Variants in EYA2 observed in about 807,000 individuals in gnomAD.
The protein encoded by EYA2 is EYA transcriptional coactivator and phosphatase 2.
Under a neutral mutation model 69.2 loss-of-function variants are expected in EYA2, and 31 were observed. That is an observed-to-expected ratio of 0.45 (90% confidence interval 0.34 to 0.60). The LOEUF is 0.60. Ranked by LOEUF, EYA2 falls within the 20% of genes least tolerant of loss-of-function variation. EYA2 has a pLI of 0.02. For synonymous variants in EYA2, 257 were observed against 279.4 expected (o/e 0.92, Z 0.80); for missense variants, 622 against 701.2 (o/e 0.89, Z 1.28).
chr20:46,950,209 A>G (rs1978712600), intron 1 of EYA2, among the ~76,000 whole-genome samples: 1 of 152,224 alleles, frequency 6.6e-6, no homozygotes, highest in Admixed American at 6.5e-5. Context: ...ATAAAAAATA[A>G]TCACTTTCCT....
chr20:47,068,602 G>A (rs1003201811), intron 5 of EYA2, among the ~76,000 whole-genome samples: 7 of 152,124 alleles, frequency 4.6e-5, no homozygotes, highest in African/African-American at 1.4e-4. Context: ...CTGTGGGAAG[G>A]GCCCTCAGAC....
chr20:47,103,926 A>G (rs1284763961), intron 9 of EYA2, among the ~76,000 whole-genome samples: 2 of 152,198 alleles, frequency 1.3e-5, no homozygotes, highest in South Asian at 2.1e-4. Flanking sequence ...TTGCATGTGC[A>G]TATGTTTTTA....
Position 47,089,173 on chromosome 20 carries a change from A to G in EYA2, c.662-66A>G, listed in dbSNP as rs1052115331. 8 of 1,579,960 alleles carry G rather than the reference A, an allele frequency of 5.1e-6. No individual in the cohort carries two copies. The African/African-American group carries it at 1.1e-4, about 21-fold the overall frequency. On this transcript the variant is annotated intron_variant, in intron 7 of 15. Coordinates refer to ENST00000327619, the MANE Select transcript of EYA2 (RefSeq NM_005244.5). Reference sequence around the variant, plus strand: ...TTTGGAGCTAGACGGTGCTGTTGGGATATTTCCCAGGAGGAGACACCCAGC... The same window carrying G: ...TTTGGAGCTAGACGGTGCTGTTGGGGTATTTCCCAGGAGGAGACACCCAGC...
chr20:47,057,297 C>A (rs2030676720), intron 5 of EYA2, among the ~76,000 whole-genome samples: 1 of 152,114 alleles, frequency 6.6e-6, no homozygotes, highest in African/African-American at 2.4e-5. Flanking sequence ...CAGGGCTTGC[C>A]AGCTGCAGCC....
At chr20:47,105,896 A>G (rs1191214282) in intron 9 of EYA2, among the ~76,000 whole-genome samples, 2 of 152,170 alleles carry the variant, frequency 1.3e-5, no homozygotes, top group African/African-American at 4.8e-5. Context: ...AGAAAATCAA[A>G]ATGTAAACAA....
At chr20:47,026,720 A>T (rs966838670) in intron 5 of EYA2, among the ~76,000 whole-genome samples, 2 of 152,216 alleles carry the variant, frequency 1.3e-5, no homozygotes, top group African/African-American at 4.8e-5. Context: ...ATATAGGGTT[A>T]TAGGGAGTGG....
chr20:46,995,454 G>T (rs1286731014), intron 2 of EYA2, among the ~76,000 whole-genome samples: 1 of 152,124 alleles, frequency 6.6e-6, no homozygotes, highest in Non-Finnish European at 1.5e-5. Flanking sequence ...GCTTGCTCAT[G>T]GTCACAGAGC....
At chr20:46,921,870 A>G (rs931030946) in intron 1 of EYA2, among the ~76,000 whole-genome samples, 5 of 152,362 alleles carry the variant, frequency 3.3e-5, no homozygotes, top group East Asian at 3.9e-4. Context: ...AGAAGTTTGA[A>G]TGGAGTCTTC....
chr20:46,984,328 C>T (rs4810583), intron 1 of EYA2, among the ~76,000 whole-genome samples: 37,134 of 151,172 alleles, frequency 0.25, 4,749 homozygotes, highest in South Asian at 0.28. Context: ...TTACAGCATT[C>T]GAAAAACACA....
At chr20:47,006,074 G>A (rs1982694773) in intron 4 of EYA2, among the ~76,000 whole-genome samples, 1 of 152,196 alleles carries the variant, frequency 6.6e-6, no homozygotes, top group Admixed American at 6.5e-5. Context: ...TGGGCCTCAG[G>A]CTCAGGCAGG....
In EYA2 at chr20:47,033,997, T is replaced by C. The variant is rs577309512; in HGVS notation, c.415+17700T>C. Among the ~76,000 whole-genome samples, 78 of 152,338 alleles carry C rather than the reference T, an allele frequency of 5.1e-4. 1 individual carries two copies. The highest frequency in any genetic ancestry group is 1.7e-3 in the African/African-American group (71 of 41,582). The stretch of plus-strand genomic sequence containing the variant: ...ACATAGTGAGGAAGTCATTCCCCTT[T>C]CTGTCATCTTTCAGCCCTTCTGATT... On this transcript the variant is annotated intron_variant, in intron 5 of 15. Transcript: ENST00000327619.
intron 9 of EYA2, among the ~76,000 whole-genome samples, chr20:47,109,914 T>C (rs535400541): frequency 6.6e-6 from 1 of 152,274 alleles, no homozygotes; most frequent in South Asian, 2.1e-4. Flanking sequence ...TCCGGGTCCA[T>C]AGTGCTGTGG....
At chr20:47,033,575 C>T (rs1984537459) in intron 5 of EYA2, among the ~76,000 whole-genome samples, 1 of 152,158 alleles carries the variant, frequency 6.6e-6, no homozygotes, top group Non-Finnish European at 1.5e-5. Flanking sequence ...GAATCATACA[C>T]AATGACCCAG....
chr20:47,097,049 C>T (rs1354391659), intron 8 of EYA2, 36 bp from the exon 9 acceptor site: 22 of 1,509,036 alleles, frequency 1.5e-5, no homozygotes, highest in Non-Finnish European at 2.0e-5. Context: ...CACGTGAGTC[C>T]ATTTTTCTCC....
At chr20:46,907,423 G>A (rs1984414223) in intron 1 of EYA2, among the ~76,000 whole-genome samples, 2 of 152,358 alleles carry the variant, frequency 1.3e-5, no homozygotes, top group South Asian at 4.1e-4. Flanking sequence ...GCAGCAGCCT[G>A]TGGGAGGGTC....
chr20:47,150,496 C>G (rs978774372), intron 10 of EYA2, among the ~76,000 whole-genome samples: 1 of 150,596 alleles, frequency 6.6e-6, no homozygotes, highest in Non-Finnish European at 1.5e-5. Context: ...AAGACAGGGT[C>G]TTACTCTGTC....
chr20:46,969,394 A>G (rs186267158), intron 1 of EYA2, among the ~76,000 whole-genome samples: 199 of 152,300 alleles, frequency 1.3e-3, no homozygotes, highest in African/African-American at 4.1e-3. Context: ...ATTGCCAGGA[A>G]TTAAATCAGT....
rs1382168347 is a variant in EYA2 at position 46,957,561 on chromosome 20, AC to A, written c.-10-32439del. 7.9e-4 allele frequency among the ~76,000 whole-genome samples: 120 copies of A among 150,978 alleles called. 2 individuals are homozygous for A. The highest frequency in any genetic ancestry group is 2.2e-3 in the Admixed American group (33 of 15,186). Reference sequence around the variant, plus strand: ...CACACACACACACACACACACACACACACACACACACACACACGAAGACAAT... The same window carrying A: ...CACACACACACACACACACACACACAACACACACACACACACGAAGACAAT... On this transcript the variant is annotated intron_variant, in intron 1 of 15. Transcript: ENST00000327619.
intron 9 of EYA2, among the ~76,000 whole-genome samples, chr20:47,098,261 A>T (rs1008742474): frequency 6.6e-6 from 1 of 152,242 alleles, no homozygotes; most frequent in Non-Finnish European, 1.5e-5. Flanking sequence ...TAGGTAAAAG[A>T]TGGCAGAGTC....
Sources: gnomAD v4.1 joint callset for allele counts (sites outside exome capture counted in the v4.1 genomes callset) on GRCh38, gnomAD v4.1.1 for gene constraint, MANE v1.5 for transcripts, NCBI Gene and HGNC (gene_info 2026-07-23, HGNC 2026-07-21) for gene names.